Variants in FBLN2 observed in about 807,000 individuals in gnomAD.
FBLN2 encodes fibulin 2.
A neutral mutation model predicts 123.7 loss-of-function variants in FBLN2; 81 were observed. That is an observed-to-expected ratio of 0.65 (90% CI 0.55 to 0.79). FBLN2 has a LOEUF of 0.79. Ranked by LOEUF, FBLN2 falls within the 30% of genes least tolerant of loss-of-function variation. The pLI, the probability that FBLN2 is intolerant of heterozygous loss-of-function variation, is 0.00. For missense variants in FBLN2, 1,603 were observed against 1,681.3 expected, an observed-to-expected ratio of 0.95 and a Z score of 0.81; for synonymous variants, 699 against 701.4, an observed-to-expected ratio of 1.00 and a Z score of 0.05.
At chr3:13,591,411 T>C (rs2124855906) in intron 2 of FBLN2, among the ~76,000 whole-genome samples, 1 of 152,358 alleles carries the variant, frequency 6.6e-6, no homozygotes, top group East Asian at 1.9e-4. Context: ...TGAAGTATCA[T>C]CTATTGATCT....
Position 13,626,526 on chromosome 3 carries a change from A to G in FBLN2, c.2378A>G (p.Tyr793Cys). The G allele has an allele frequency of 6.4e-7, 1 of 1,559,202 alleles. No homozygotes were observed. The highest frequency in any genetic ancestry group is 8.7e-7 in the Non-Finnish European group (1 of 1,151,418). ...AACACACTGGGCTCCTTCCACTGCT[A>G]CAAGGCACTCACCTGTGAGCCAGGC... ...CVNTLGSFHCYKALTCEPGYA... is the reference protein window; with the variant it reads ...CVNTLGSFHCCKALTCEPGYA... The change falls in exon 10 of 18, where the codon TAC (tyrosine) becomes TGC (cysteine). Residue 793 changes from tyrosine (Y) to cysteine (C), a missense_variant. Tyr to Cys is a radical substitution (Grantham distance 194, BLOSUM62 -2). Coordinates refer to ENST00000404922, the MANE Select transcript of FBLN2 (RefSeq NM_001004019.2).
chr3:13,595,483 A>G (rs925309438), intron 2 of FBLN2, among the ~76,000 whole-genome samples: 52 of 152,258 alleles, frequency 3.4e-4, no homozygotes, highest in African/African-American at 1.1e-3. Context: ...TCATAAAAAA[A>G]AACTCAAGGC....
chr3:13,583,788 C>T (rs1464637337), intron 2 of FBLN2, among the ~76,000 whole-genome samples: 2 of 152,198 alleles, frequency 1.3e-5, no homozygotes, highest in Non-Finnish European at 2.9e-5. Context: ...GCACAGAGGG[C>T]CCAGAACCTG....
At chr3:13,633,951 G>GTAAACACACACACACACACACACACA (rs1706353823) in intron 16 of FBLN2, among the ~76,000 whole-genome samples, 1 of 18,720 alleles carries the variant, frequency 5.3e-5, no homozygotes, top group Admixed American at 7.7e-4. Flanking sequence ...TAAACACACT[G>GTAAACACACACACACACACACACACA]CAAACACACA....
chr3:13,599,642 T>G (rs2124868011), intron 2 of FBLN2, among the ~76,000 whole-genome samples: 1 of 145,324 alleles, frequency 6.9e-6, no homozygotes, highest in African/African-American at 2.6e-5. Flanking sequence ...GAGGAGGAGG[T>G]GGCTGGTGGA....
intron 5 of FBLN2, among the ~76,000 whole-genome samples, chr3:13,616,803 C>T (rs1271583815): frequency 6.6e-6 from 1 of 152,196 alleles, no homozygotes; most frequent in Non-Finnish European, 1.5e-5. Flanking sequence ...CTCTCACCTG[C>T]TCCCCAGCAC....
chr3:13,605,680 T>G (rs1448485110), intron 2 of FBLN2, among the ~76,000 whole-genome samples: 1 of 152,180 alleles, frequency 6.6e-6, no homozygotes, highest in Admixed American at 6.5e-5. Context: ...CTGGTTGTGT[T>G]ACGGGCTGTC....
chr3:13,572,606 G>C (rs1317500573), intron 2 of FBLN2, among the ~76,000 whole-genome samples: 1 of 152,276 alleles, frequency 6.6e-6, no homozygotes, highest in Non-Finnish European at 1.5e-5. Flanking sequence ...GCCCAAGGCT[G>C]TGCAGAGGCT....
At position 13,570,316 on chromosome 3, in the gene FBLN2, G is replaced by C. The variant is rs1703889098; in HGVS notation, c.-40G>C. The C allele has an allele frequency of 2.7e-6, 4 of 1,484,398 alleles. No individual in the cohort carries two copies. Among genetic ancestry groups the C allele is most frequent in the Non-Finnish European group, 3.6e-6 (4 of 1,113,468 alleles). The allele number at this position is 1,484,398 out of a possible 1,614,324, so 92.0% of individuals were successfully genotyped here. On this transcript the variant is annotated splice_region_variant and 5_prime_UTR_variant, in exon 2 of 18. Transcript: ENST00000404922. ...AGGCTTCCTTTCTGATTCCCCCAGG[G>C]TCTTACAGGAGAGGGGACCGTCCTG...
intron 1 of FBLN2, among the ~76,000 whole-genome samples, chr3:13,558,580 CCT>C (rs1240729366): frequency 6.6e-6 from 1 of 152,074 alleles, no homozygotes; most frequent in Non-Finnish European, 1.5e-5. Flanking sequence ...TTCATCCCAT[CCT>C]CTCTGCCAGC....
At chr3:13,624,518 C>A (rs573635445) in intron 9 of FBLN2, among the ~76,000 whole-genome samples, 1 of 152,228 alleles carries the variant, frequency 6.6e-6, no homozygotes, top group East Asian at 1.9e-4. Context: ...CCATTCCCAG[C>A]CATCCCCGGG....
chr3:13,598,780 T>G (rs1704930326), intron 2 of FBLN2, among the ~76,000 whole-genome samples: 2 of 151,936 alleles, frequency 1.3e-5, no homozygotes, highest in African/African-American at 4.8e-5. Context: ...CCCAATCTGG[T>G]GATTGGGACA....
chr3:13,627,689 C>T, intron 10 of FBLN2, 143 bp from the exon 11 acceptor site: 1 of 1,068,458 alleles, frequency 9.4e-7, no homozygotes, highest in Non-Finnish European at 1.3e-6. Context: ...ATGCCGGCAA[C>T]AATGTGGCTG....
At chr3:13,593,539 C>G (rs13318407) in intron 2 of FBLN2, among the ~76,000 whole-genome samples, 22,882 of 151,836 alleles carry the variant, frequency 0.15, 2,534 homozygotes, top group African/African-American at 0.31. Flanking sequence ...CATGGTGAAA[C>G]CCCGTCTCTA....
At chr3:13,630,596 C>T in intron 14 of FBLN2, 103 bp from the exon 15 acceptor site, 2 of 956,860 alleles carry the variant, frequency 2.1e-6, no homozygotes, top group East Asian at 2.7e-5. Context: ...CAACCCCAGT[C>T]CAGGCCGGGG....
At chr3:13,568,448 T>C (rs1174035661) in intron 1 of FBLN2, among the ~76,000 whole-genome samples, 1 of 152,244 alleles carries the variant, frequency 6.6e-6, no homozygotes, top group African/African-American at 2.4e-5. Context: ...CTCAGCGCAG[T>C]GGGCAGCTGG....
chr3:13,620,401 GA>G (rs915595776), intron 8 of FBLN2, among the ~76,000 whole-genome samples: 8 of 152,222 alleles, frequency 5.3e-5, no homozygotes, highest in African/African-American at 1.9e-4. Flanking sequence ...CCCCGATGGG[GA>G]GTGGGAGGGA....
intron 2 of FBLN2, among the ~76,000 whole-genome samples, chr3:13,587,144 C>CAAAAAAAAAA (rs57120285): frequency 1.4e-5 from 1 of 70,960 alleles, no homozygotes. Flanking sequence ...GACTCCGTCT[C>CAAAAAAAAAA]AAAAAAAAAA....
intron 7 of FBLN2, 49 bp from the exon 8 acceptor site, chr3:13,619,681 A>G (rs1036207336): frequency 6.5e-6 from 10 of 1,533,492 alleles, no homozygotes; most frequent in Non-Finnish European, 9.0e-6. Flanking sequence ...GCCAGTGTGG[A>G]CCAAGGCCAG....
Sources: gnomAD v4.1 joint callset for allele counts (sites outside exome capture counted in the v4.1 genomes callset) on GRCh38, gnomAD v4.1.1 for gene constraint, MANE v1.5 for transcripts, NCBI Gene and HGNC (gene_info 2026-07-23, HGNC 2026-07-21) for gene names.